Variants in DMD observed in about 807,000 individuals in gnomAD.
DMD encodes dystrophin, also known as mutant dystrophin.
A neutral mutation model predicts 330.1 loss-of-function variants in DMD; 63 were observed. The ratio of observed to expected loss-of-function variants is 0.19; its 90% CI spans 0.16 to 0.24. The LOEUF is 0.24. DMD is among the 10% of genes least tolerant of loss of function. The pLI is 1.00. For synonymous variants in DMD, 1,223 were observed against 959.8 expected (o/e 1.27, Z -5.07); for missense variants, 3,344 against 2,684.1 (o/e 1.25, Z -5.43).
intron 29 of DMD, among the ~76,000 whole-genome samples, chrX:32,419,008 A>G (rs2098178321): frequency 9.5e-6 from 1 of 104,866 alleles, no homozygotes; most frequent in African/African-American, 3.5e-5. Context: ...AGAAGCTGAC[A>G]CTTGAAGCAC....
intron 7 of DMD, among the ~76,000 whole-genome samples, chrX:32,776,197 G>A (rs773750815): frequency 3.8e-4 from 42 of 110,544 alleles, no homozygotes; most frequent in African/African-American, 8.2e-4. Flanking sequence ...TTCATTGTCC[G>A]TATCACTATC....
At chrX:32,638,774 T>G (rs193289834) in intron 11 of DMD, among the ~76,000 whole-genome samples, 1 of 111,821 alleles carries the variant, frequency 8.9e-6, no homozygotes, top group East Asian at 2.8e-4. Context: ...ATTCATATAT[T>G]CACATACGCA....
intron 1 of DMD, among the ~76,000 whole-genome samples, chrX:33,030,022 C>T (rs2094078794): frequency 9.0e-6 from 1 of 111,219 alleles, no homozygotes; most frequent in Non-Finnish European, 1.9e-5. Flanking sequence ...ATCTCTGTGG[C>T]CTTGAGTAAG....
intron 43 of DMD, among the ~76,000 whole-genome samples, chrX:32,226,393 A>G (rs902597125): frequency 1.8e-5 from 2 of 112,104 alleles, no homozygotes; most frequent in African/African-American, 6.5e-5. Context: ...TAGTTACTTC[A>G]TAAGACAAGC....
chrX:31,490,405 A>G (rs983954585), intron 57 of DMD, among the ~76,000 whole-genome samples: 14 of 111,295 alleles, frequency 1.3e-4, no homozygotes, highest in African/African-American at 4.6e-4. Flanking sequence ...TACTAAAAAT[A>G]CAAAACATTA....
chrX:32,832,330 C>T (rs778398307), intron 4 of DMD, among the ~76,000 whole-genome samples: 2 of 111,455 alleles, frequency 1.8e-5, no homozygotes, highest in Non-Finnish European at 3.8e-5. Context: ...TAAACAATAA[C>T]TAAAAGGGAA....
chrX:33,038,538 T>TCA (rs1477343505), intron 1 of DMD, among the ~76,000 whole-genome samples: 1 of 112,071 alleles, frequency 8.9e-6, no homozygotes, highest in East Asian at 2.8e-4. Context: ...GCCATTCTTG[T>TCA]CACCTTGACT....
chrX:33,088,684 CA>C (rs1377457129), intron 1 of DMD, among the ~76,000 whole-genome samples: 1 of 109,376 alleles, frequency 9.1e-6, no homozygotes, highest in Non-Finnish European at 1.9e-5. Context: ...GACTCCATCT[CA>C]AAAAAAAGAA....
chrX:32,403,254 C>T (rs988526393), intron 30 of DMD, among the ~76,000 whole-genome samples: 31 of 111,775 alleles, frequency 2.8e-4, no homozygotes, highest in African/African-American at 9.1e-4. Context: ...TTGCATAAGA[C>T]AAAATTGGGA....
intron 44 of DMD, among the ~76,000 whole-genome samples, chrX:32,091,382 A>G (rs1348789540): frequency 1.8e-5 from 2 of 112,236 alleles, no homozygotes; most frequent in Non-Finnish European, 3.8e-5. Flanking sequence ...ATAAAAAAGC[A>G]TGGCTTAGAT....
intron 7 of DMD, among the ~76,000 whole-genome samples, chrX:32,800,713 A>C (rs1012870939): frequency 6.4e-5 from 7 of 109,253 alleles, no homozygotes; most frequent in South Asian, 4.0e-4. Flanking sequence ...AGCCCCACAC[A>C]CCCCAAAAGG....
At chrX:33,296,520 G>T (rs527545430) in intron 1 of DMD, among the ~76,000 whole-genome samples, 1 of 110,414 alleles carries the variant, frequency 9.1e-6, no homozygotes, top group South Asian at 3.8e-4. Context: ...CATGATAGGA[G>T]AATATAGACT....
At chrX:32,544,710 C>A (rs953679035) in intron 17 of DMD, among the ~76,000 whole-genome samples, 1 of 110,451 alleles carries the variant, frequency 9.1e-6, no homozygotes, top group African/African-American at 3.3e-5. Context: ...ACTGAGACAT[C>A]ATGTTCTCGT....
intron 1 of DMD, among the ~76,000 whole-genome samples, chrX:33,070,082 A>G (rs1292868467): frequency 8.9e-6 from 1 of 111,967 alleles, no homozygotes; most frequent in Non-Finnish European, 1.9e-5. Flanking sequence ...ATGGGGGAAG[A>G]ATAGGTTGCT....
At chrX:32,230,954 A>C (rs2097167045) in intron 43 of DMD, among the ~76,000 whole-genome samples, 1 of 112,219 alleles carries the variant, frequency 8.9e-6, no homozygotes, top group African/African-American at 3.2e-5. Flanking sequence ...GAATATTTTC[A>C]ATATCTATGA....
intron 51 of DMD, among the ~76,000 whole-genome samples, chrX:31,749,263 A>T (rs1310474486): frequency 9.7e-6 from 1 of 103,458 alleles, no homozygotes; most frequent in Non-Finnish European, 2.0e-5. Flanking sequence ...ATCTAGCATT[A>T]GGTATATCTC....
At chrX:31,623,327 C>A (rs2078663914) in intron 55 of DMD, among the ~76,000 whole-genome samples, 1 of 111,008 alleles carries the variant, frequency 9.0e-6, no homozygotes, top group African/African-American at 3.3e-5. Flanking sequence ...GCAGTGGCGC[C>A]ATCTCGGCTC....
chrX:31,200,808 G>C (rs1016486168), intron 67 of DMD, among the ~76,000 whole-genome samples: 5 of 111,609 alleles, frequency 4.5e-5, no homozygotes, highest in African/African-American at 1.6e-4. Context: ...TAGGAAGCCA[G>C]TGCAATGATG....
chrX:31,878,259 A>G (rs1419307158), intron 47 of DMD, among the ~76,000 whole-genome samples: 1 of 111,776 alleles, frequency 8.9e-6, no homozygotes, highest in East Asian at 2.8e-4. Flanking sequence ...CTTTCCCACC[A>G]TCATAACATT....
Sources: allele counts gnomAD v4.1 joint callset (sites outside exome capture counted in the v4.1 genomes callset), GRCh38; gene constraint gnomAD v4.1.1; transcripts MANE v1.5; gene names NCBI Gene and HGNC (gene_info 2026-07-23, HGNC 2026-07-21).